The following CNTNAP2 variants were observed in gnomAD, a reference collection of about 807,000 sequenced individuals.
The protein encoded by CNTNAP2 is contactin associated protein 2.
Under a neutral mutation model 155.2 loss-of-function variants are expected in CNTNAP2, and 98 were observed. The ratio of observed to expected loss-of-function variants is 0.63; its 90% CI spans 0.54 to 0.75. The LOEUF is 0.75. Ranked by LOEUF, CNTNAP2 falls within the 30% of genes least tolerant of loss-of-function variation. The probability of loss-of-function intolerance (pLI) is 0.00; values close to 1 mark genes in which losing one functional copy is unlikely to be tolerated. For missense variants in CNTNAP2, 1,727 were observed against 1,688.1 expected, an observed-to-expected ratio of 1.02 and a Z score of -0.40; for synonymous variants, 651 against 631.2, an observed-to-expected ratio of 1.03 and a Z score of -0.47.
chr7:147,108,055 C>T (rs1584848088), intron 4 of CNTNAP2, 92 bp from the exon 5 acceptor site: 2 of 1,139,272 alleles, frequency 1.8e-6, no homozygotes, highest in East Asian at 4.7e-5. Flanking sequence ...AAAACACTTA[C>T]TTAATTCTCA....
At chr7:146,706,754 T>C (rs965113113) in intron 1 of CNTNAP2, among the ~76,000 whole-genome samples, 2 of 152,036 alleles carry the variant, frequency 1.3e-5, no homozygotes, top group African/African-American at 4.8e-5. Flanking sequence ...CAACACCTAC[T>C]GGGTCCTTTC....
intron 1 of CNTNAP2, among the ~76,000 whole-genome samples, chr7:146,750,677 A>G (rs1801887951): frequency 6.6e-6 from 1 of 152,218 alleles, no homozygotes; most frequent in African/African-American, 2.4e-5. Flanking sequence ...GTAGTGTCTC[A>G]TTGAACTTAA....
At chr7:146,914,016 A>G (rs1322326228) in intron 3 of CNTNAP2, among the ~76,000 whole-genome samples, 2 of 152,052 alleles carry the variant, frequency 1.3e-5, no homozygotes, top group Non-Finnish European at 2.9e-5. Context: ...TTGATTTTCC[A>G]TTCCTGAGTT....
chr7:147,805,895 T>C (rs1220263673), intron 13 of CNTNAP2, among the ~76,000 whole-genome samples: 1 of 152,120 alleles, frequency 6.6e-6, no homozygotes, highest in Non-Finnish European at 1.5e-5. Flanking sequence ...ACTATGAAAC[T>C]AGTAAAAGAA....
Position 146,289,903 on chromosome 7 carries a change from G to A in CNTNAP2, c.97+172930G>A, listed in dbSNP as rs181272877. ...ATTTTCAATATTTATTTTGTGTTTG[G>A]CAATAAACGGAGCTAATACGACCAC... On this transcript the variant is annotated intron_variant, in intron 1 of 23. Transcript: ENST00000361727. Among the ~76,000 whole-genome samples the A allele has an allele frequency of 1.1e-4, 17 of 151,936 alleles. No homozygotes were observed. The East Asian group carries it at 2.3e-3, about 21-fold the overall frequency.
At chr7:147,796,649 T>C (rs1021604574) in intron 13 of CNTNAP2, among the ~76,000 whole-genome samples, 2 of 151,184 alleles carry the variant, frequency 1.3e-5, no homozygotes, top group Non-Finnish European at 2.9e-5. Context: ...ATGCAGATAA[T>C]CAACAATTGA....
chr7:147,166,356 A>AT (rs1802112762), intron 8 of CNTNAP2, among the ~76,000 whole-genome samples: 1 of 152,176 alleles, frequency 6.6e-6, no homozygotes, highest in African/African-American at 2.4e-5. Flanking sequence ...ATACAAAGGC[A>AT]TAAGAATGAT....
intron 3 of CNTNAP2, among the ~76,000 whole-genome samples, chr7:146,978,767 A>G (rs1284661422): frequency 2.0e-5 from 3 of 151,830 alleles, no homozygotes; most frequent in Non-Finnish European, 4.4e-5. Flanking sequence ...TTATTAATAG[A>G]AATGAGTATT....
chr7:146,494,871 C>T (rs1797191204), intron 1 of CNTNAP2, among the ~76,000 whole-genome samples: 1 of 152,188 alleles, frequency 6.6e-6, no homozygotes, highest in African/African-American at 2.4e-5. Flanking sequence ...CTTATGAAGG[C>T]AATGCATCTG....
intron 15 of CNTNAP2, among the ~76,000 whole-genome samples, chr7:147,983,527 C>T (rs1801568945): frequency 6.6e-6 from 1 of 151,944 alleles, no homozygotes; most frequent in Admixed American, 6.6e-5. Context: ...TGGCCATGGC[C>T]CAAGGTACAG....
chr7:146,156,038 G>GT (rs1327740309), intron 1 of CNTNAP2, among the ~76,000 whole-genome samples: 2 of 151,996 alleles, frequency 1.3e-5, no homozygotes, highest in Non-Finnish European at 2.9e-5. Context: ...GAAAATTCCT[G>GT]TTTTTTTATA....
chr7:147,985,407 CTTTTT>C (rs34093586), intron 15 of CNTNAP2, among the ~76,000 whole-genome samples: 7 of 108,056 alleles, frequency 6.5e-5, no homozygotes, highest in Non-Finnish European at 1.0e-4. Flanking sequence ...TATGTTTTTA[CTTTTT>C]TTTTTTTTTT....
chr7:147,865,977 T>C (rs1225318194), intron 13 of CNTNAP2, among the ~76,000 whole-genome samples: 1 of 152,206 alleles, frequency 6.6e-6, no homozygotes, highest in Non-Finnish European at 1.5e-5. Flanking sequence ...TTTGAATGTG[T>C]TTGCTCTTGC....
intron 9 of CNTNAP2, among the ~76,000 whole-genome samples, chr7:147,361,321 A>G (rs1374815485): frequency 2.0e-5 from 3 of 152,216 alleles, no homozygotes; most frequent in South Asian, 2.1e-4. Context: ...CATTCTTGCT[A>G]TATGAACACT....
rs536465671 is a variant in CNTNAP2, at chr7:148,136,394, ACCT to A, written c.2555-11086_2555-11084del. ...ATCTGGTTGTTTTAAAGAGCTTGGC[ACCT>A]CCTCCTCCTCTCTCTCGCTTCCTCT... On this transcript the variant is annotated intron_variant, in intron 16 of 23. Coordinates refer to ENST00000361727, the MANE Select transcript of CNTNAP2 (RefSeq NM_014141.6). Among the ~76,000 whole-genome samples the A allele has an allele frequency of 1.6e-4, 24 of 151,350 alleles. No homozygotes were observed. In the East Asian group the frequency reaches 4.1e-3, roughly 26 times the overall value.
At chr7:147,324,659 TC>T (rs1383712959) in intron 9 of CNTNAP2, among the ~76,000 whole-genome samples, 5 of 152,208 alleles carry the variant, frequency 3.3e-5, no homozygotes, top group Admixed American at 2.0e-4. Flanking sequence ...ATTTATATGG[TC>T]CCTTAAAAAA....
chr7:147,142,767 A>G (rs934385117), intron 8 of CNTNAP2, among the ~76,000 whole-genome samples: 3 of 152,174 alleles, frequency 2.0e-5, no homozygotes, highest in South Asian at 2.1e-4. Context: ...CAAAAAAAGA[A>G]TAAGTCCTGA....
chr7:146,358,129 G>A (rs914038725), intron 1 of CNTNAP2, among the ~76,000 whole-genome samples: 1 of 152,026 alleles, frequency 6.6e-6, no homozygotes. Context: ...CCGCCTGCCG[G>A]GTTCACGCCA....
chr7:147,068,320 G>C (rs1799822513), intron 4 of CNTNAP2, among the ~76,000 whole-genome samples: 1 of 152,092 alleles, frequency 6.6e-6, no homozygotes. Flanking sequence ...TTATAGACAA[G>C]ATTAAACTCC....
Sources: allele counts gnomAD v4.1 joint callset (sites outside exome capture counted in the v4.1 genomes callset), GRCh38; gene constraint gnomAD v4.1.1; transcripts MANE v1.5; gene names NCBI Gene and HGNC (gene_info 2026-07-23, HGNC 2026-07-21).